MBNL1: variants seen among roughly 807,000 people sequenced by gnomAD.
MBNL1 encodes the protein muscleblind like splicing regulator 1, also known as muscleblind-like protein 1.
A neutral mutation model predicts 42.2 loss-of-function variants in MBNL1; 8 were observed. The ratio of observed to expected loss-of-function variants is 0.19; its 90% CI spans 0.11 to 0.34. MBNL1 has a LOEUF of 0.34. Ranked by LOEUF, MBNL1 falls within the 10% of genes least tolerant of loss-of-function variation. The pLI, the probability that MBNL1 is intolerant of heterozygous loss-of-function variation, is 1.00. For missense variants in MBNL1, 309 were observed against 495.3 expected, an observed-to-expected ratio of 0.62 and a Z score of 3.57; for synonymous variants, 169 against 173.9, an observed-to-expected ratio of 0.97 and a Z score of 0.22.
At chr3:152,315,287 A>G (rs1194764273) in intron 2 of MBNL1, among the ~76,000 whole-genome samples, 1 of 152,198 alleles carries the variant, frequency 6.6e-6, no homozygotes, top group Non-Finnish European at 1.5e-5. Context: ...TGTAAAACCT[A>G]ATATATTCCC....
intron 7 of MBNL1, 113 bp downstream of exon 7, chr3:152,455,690 T>A: frequency 1.1e-6 from 1 of 884,820 alleles, no homozygotes; most frequent in Non-Finnish European, 1.8e-6. Context: ...ATTTCCCTTT[T>A]ACTAACACTT....
At chr3:152,349,041 CTG>C (rs2094614843) in intron 2 of MBNL1, among the ~76,000 whole-genome samples, 1 of 152,008 alleles carries the variant, frequency 6.6e-6, no homozygotes, top group South Asian at 2.1e-4. Flanking sequence ...CAAAAATAAA[CTG>C]AGGTGGAATT....
chr3:152,288,423 C>G (rs1453315560), intron 1 of MBNL1, among the ~76,000 whole-genome samples: 1 of 152,146 alleles, frequency 6.6e-6, no homozygotes, highest in African/African-American at 2.4e-5. Context: ...ATGCTTGGGC[C>G]TACATGAGTT....
At chr3:152,435,802 G>A (rs2099071237) in intron 4 of MBNL1, among the ~76,000 whole-genome samples, 1 of 151,998 alleles carries the variant, frequency 6.6e-6, no homozygotes, top group Admixed American at 6.5e-5. Context: ...TCTTTTTGTG[G>A]CAATTGTGAA....
At chr3:152,331,696 A>G (rs1265101279) in intron 2 of MBNL1, among the ~76,000 whole-genome samples, 1 of 151,734 alleles carries the variant, frequency 6.6e-6, no homozygotes. Flanking sequence ...AATGTTATTG[A>G]TTGATTGATT....
At chr3:152,323,265 C>G (rs1412370307) in intron 2 of MBNL1, among the ~76,000 whole-genome samples, 4 of 152,020 alleles carry the variant, frequency 2.6e-5, no homozygotes, top group African/African-American at 9.7e-5. Context: ...ATAATTCTAA[C>G]TCCCTTTTAT....
intron 2 of MBNL1, among the ~76,000 whole-genome samples, chr3:152,319,162 CT>C (rs1389475966): frequency 2.0e-5 from 3 of 151,968 alleles, no homozygotes; most frequent in Non-Finnish European, 2.9e-5. Context: ...CACGGAAAAC[CT>C]TTTTTTGGGG....
rs1407256926 is a variant in MBNL1 at position 152,464,833 on chromosome 3, AAG to A, written c.*2473_*2474del. The A allele has an allele frequency of 2.0e-5, 3 of 152,644 alleles. No individual in the cohort carries two copies. Among genetic ancestry groups the A allele is most frequent in the Non-Finnish European group, 2.9e-5 (2 of 68,024 alleles). 9.5% of individuals were successfully genotyped at this position (152,644 alleles called of 1,614,324 possible). A position where few individuals can be genotyped will look rare whatever the true frequency, so the allele number is the denominator to read the frequency against. The stretch of plus-strand genomic sequence containing the variant: ...TTTTTGCACTTCTGTATATAGTCAA[AAG>A]AGAGAAACCTGTATAATAGTAAGAT... On this transcript the variant is annotated 3_prime_UTR_variant, in exon 10 of 10. Transcript: ENST00000324210.
At chr3:152,255,431 G>T (rs1009506465) in intron 2 of MBNL1, among the ~76,000 whole-genome samples, 2 of 152,062 alleles carry the variant, frequency 1.3e-5, no homozygotes, top group Non-Finnish European at 2.9e-5. Flanking sequence ...GGAGATATTT[G>T]GTGGCTCTGA....
intron 9 of MBNL1, among the ~76,000 whole-genome samples, chr3:152,461,174 G>A (rs975189406): frequency 1.3e-5 from 2 of 152,168 alleles, no homozygotes; most frequent in African/African-American, 4.8e-5. Context: ...GCTGGACAAA[G>A]TCAAAGCCCA....
chr3:152,300,892 G>A (rs933969988), intron 2 of MBNL1: 14 of 968,876 alleles, frequency 1.4e-5, no homozygotes, highest in East Asian at 1.1e-4. Context: ...CCAGAGCCAC[G>A]CATTTTATGG....
rs371142760 is a variant in MBNL1 at position 152,403,369 on chromosome 3, G to A, written c.175-11572G>A. Among the ~76,000 whole-genome samples the A allele has an allele frequency of 6.6e-5, 10 of 152,218 alleles. No individual in the cohort carries two copies. In the East Asian group the frequency reaches 7.7e-4, roughly 12 times the overall value. ...GCTCTTTCAAGTATCTATGCTTAAC[G>A]TGATGGCTTCAATACCCTTTTGCTA... On this transcript the variant is annotated intron_variant, in intron 2 of 9. Transcript: ENST00000324210.
intron 4 of MBNL1, among the ~76,000 whole-genome samples, chr3:152,436,424 TATTA>T (rs2099079235): frequency 6.6e-6 from 1 of 152,222 alleles, no homozygotes; most frequent in African/African-American, 2.4e-5. Context: ...TGTACTTGCT[TATTA>T]ATTAACTAAT....
intron 1 of MBNL1, among the ~76,000 whole-genome samples, chr3:152,274,178 C>T (rs2043510765): frequency 6.6e-6 from 1 of 151,874 alleles, no homozygotes; most frequent in Admixed American, 6.6e-5. Flanking sequence ...AAGCTATTAA[C>T]TAAAAATGAA....
intron 2 of MBNL1, among the ~76,000 whole-genome samples, chr3:152,311,000 A>G (rs1577585985): frequency 8.2e-6 from 1 of 122,570 alleles, no homozygotes; most frequent in Non-Finnish European, 1.7e-5. Flanking sequence ...GAACCATGAG[A>G]CTTTTTTTTT....
At chr3:152,302,978 C>G (rs557159830) in intron 2 of MBNL1, among the ~76,000 whole-genome samples, 2 of 149,442 alleles carry the variant, frequency 1.3e-5, no homozygotes, top group Admixed American at 6.7e-5. Context: ...AGGTGACTTA[C>G]GTTAATAGCA....
chr3:152,294,457 G>A (rs1310407170), intron 1 of MBNL1, among the ~76,000 whole-genome samples: 2 of 151,610 alleles, frequency 1.3e-5, no homozygotes, highest in African/African-American at 4.8e-5. Flanking sequence ...CTAATTTTTT[G>A]TATTTTTTAG....
At chr3:152,333,860 G>A (rs2152700648) in intron 2 of MBNL1, among the ~76,000 whole-genome samples, 1 of 152,334 alleles carries the variant, frequency 6.6e-6, no homozygotes, top group South Asian at 2.1e-4. Context: ...TAGTGGTGGA[G>A]TTTTAATGAA....
intron 2 of MBNL1, among the ~76,000 whole-genome samples, chr3:152,358,672 A>G (rs1196595950): frequency 6.6e-6 from 1 of 152,194 alleles, no homozygotes; most frequent in African/African-American, 2.4e-5. Flanking sequence ...ATAAGGAAGC[A>G]CTAGTTTAAC....
Sources: allele counts gnomAD v4.1 joint callset (sites outside exome capture counted in the v4.1 genomes callset), GRCh38; gene constraint gnomAD v4.1.1; transcripts MANE v1.5; gene names NCBI Gene and HGNC (gene_info 2026-07-23, HGNC 2026-07-21).